PRKG1: variants seen among roughly 807,000 people sequenced by gnomAD.
The protein encoded by PRKG1 is cGMP-dependent protein kinase 1.
PRKG1 carries 35 observed loss-of-function variants against 88.1 expected under a neutral mutation model. The ratio of observed to expected loss-of-function variants is 0.40; its 90% CI spans 0.30 to 0.53. PRKG1 has a LOEUF of 0.53. Ranked by LOEUF, PRKG1 falls within the 20% of genes least tolerant of loss-of-function variation. The probability of loss-of-function intolerance (pLI) is 0.59; values close to 1 mark genes in which losing one functional copy is unlikely to be tolerated. For synonymous variants in PRKG1, 303 were observed against 292.5 expected, an observed-to-expected ratio of 1.04 and a Z score of -0.37; for missense variants, 540 against 839.8, an observed-to-expected ratio of 0.64 and a Z score of 4.41.
chr10:52,140,462 T>C (rs1837546836), intron 8 of PRKG1, among the ~76,000 whole-genome samples: 1 of 152,086 alleles, frequency 6.6e-6, no homozygotes, highest in Non-Finnish European at 1.5e-5. Flanking sequence ...TTTCGCATTG[T>C]ATCCCCATCC....
intron 3 of PRKG1, chr10:51,699,370 GCCATAGC>G: frequency 6.2e-7 from 1 of 1,614,142 alleles, no homozygotes; most frequent in East Asian, 2.2e-5. Context: ...ATTCGCAGAA[GCCATAGC>G]CCTTGGGTTT....
chr10:51,073,070 T>C (rs1843856739), upstream of PRKG1, among the ~76,000 whole-genome samples: 1 of 152,134 alleles, frequency 6.6e-6, no homozygotes, highest in Non-Finnish European at 1.5e-5. Context: ...TGCTATAAAA[T>C]TGGATGAGTT....
At chr10:51,525,636 T>C (rs760726199) in intron 3 of PRKG1, among the ~76,000 whole-genome samples, 2 of 152,100 alleles carry the variant, frequency 1.3e-5, no homozygotes, top group Non-Finnish European at 2.9e-5. Flanking sequence ...AGGCAGAGCT[T>C]GCAGTGATCT....
chr10:52,147,923 T>C (rs1167536185), intron 8 of PRKG1, among the ~76,000 whole-genome samples: 1 of 152,134 alleles, frequency 6.6e-6, no homozygotes, highest in African/African-American at 2.4e-5. Context: ...AGGTGAGACA[T>C]GCATATGACA....
chr10:51,293,054 C>T lies in PRKG1; in HGVS notation c.478+139724C>T, dbSNP rs140365045. Among the ~76,000 whole-genome samples, 405 of 152,144 alleles carry T rather than the reference C, an allele frequency of 2.7e-3. 7 individuals are homozygous for T. The highest frequency in any genetic ancestry group is 0.025 in the Admixed American group (385 of 15,254). On this transcript the variant is annotated intron_variant, in intron 2 of 17. Coordinates refer to ENST00000373980, the MANE Select transcript of PRKG1 (RefSeq NM_006258.4). ...GCTCTTACTTCTTTCTTCCCCCCAG[C>T]TTTATTGAGGTATGATTGAAAAACG...
At chr10:51,727,742 A>AGG (rs894639788) in intron 3 of PRKG1, among the ~76,000 whole-genome samples, 21 of 152,288 alleles carry the variant, frequency 1.4e-4, no homozygotes, top group African/African-American at 4.6e-4. Context: ...GAATTGGATG[A>AGG]GGGGTAAATG....
At chr10:51,957,138 T>G (rs1843327225) in intron 5 of PRKG1, among the ~76,000 whole-genome samples, 1 of 118,328 alleles carries the variant, frequency 8.5e-6, no homozygotes. Context: ...TCTTTCTTTC[T>G]CTTTCTTCTT....
At chr10:52,103,824 C>T (rs958726906) in intron 7 of PRKG1, among the ~76,000 whole-genome samples, 1 of 151,680 alleles carries the variant, frequency 6.6e-6, no homozygotes, top group Non-Finnish European at 1.5e-5. Flanking sequence ...TATGAAATAG[C>T]AGCAAAGGGG....
chr10:52,268,857 C>A (rs1841643569), intron 10 of PRKG1, among the ~76,000 whole-genome samples: 1 of 151,908 alleles, frequency 6.6e-6, no homozygotes, highest in South Asian at 2.1e-4. Context: ...AATGAATGCC[C>A]ATTTGGTGGT....
chr10:52,039,786 C>T (rs1220811454), intron 5 of PRKG1, among the ~76,000 whole-genome samples: 2 of 152,134 alleles, frequency 1.3e-5, no homozygotes, highest in Non-Finnish European at 2.9e-5. Context: ...GGAAAATACA[C>T]TAATTTCACT....
chr10:51,139,090 T>C (rs1214495420), intron 1 of PRKG1, among the ~76,000 whole-genome samples: 3 of 152,206 alleles, frequency 2.0e-5, no homozygotes, highest in Non-Finnish European at 2.9e-5. Flanking sequence ...TGTTTGTGTA[T>C]AGTTTTTTAA....
At chr10:51,978,053 G>A (rs1223662580) in intron 5 of PRKG1, among the ~76,000 whole-genome samples, 1 of 152,032 alleles carries the variant, frequency 6.6e-6, no homozygotes, top group Non-Finnish European at 1.5e-5. Context: ...CTGTTCCTAT[G>A]TCTAGAATGG....
intron 2 of PRKG1, among the ~76,000 whole-genome samples, chr10:51,193,248 GC>G (rs2132043318): frequency 6.6e-6 from 1 of 152,092 alleles, no homozygotes; most frequent in Non-Finnish European, 1.5e-5. Context: ...GCATAGAGTA[GC>G]TTTTATCAGT....
intron 2 of PRKG1, among the ~76,000 whole-genome samples, chr10:51,171,266 A>G (rs1477340874): frequency 1.3e-5 from 2 of 152,150 alleles, no homozygotes; most frequent in African/African-American, 4.8e-5. Flanking sequence ...CCTAGGGTAC[A>G]GTAATAATCG....
chr10:51,030,652 G>T (rs543347586), intron 1 of PRKG1, among the ~76,000 whole-genome samples: 2 of 152,254 alleles, frequency 1.3e-5, no homozygotes, highest in East Asian at 3.9e-4. Flanking sequence ...CATGGGAGGG[G>T]ATCCTTCATG....
At chr10:51,958,000 A>G (rs1172663671) in intron 5 of PRKG1, among the ~76,000 whole-genome samples, 2 of 152,208 alleles carry the variant, frequency 1.3e-5, no homozygotes, top group African/African-American at 4.8e-5. Context: ...TTCTCAAAGT[A>G]GAGTATCATT....
intron 4 of PRKG1, among the ~76,000 whole-genome samples, chr10:51,878,531 A>G (rs1246532944): frequency 6.6e-6 from 1 of 152,144 alleles, no homozygotes; most frequent in Non-Finnish European, 1.5e-5. Context: ...TTGGTGGATC[A>G]CTAAGAAAAA....
At chr10:51,009,643 A>G (rs1366370465) in intron 1 of PRKG1, among the ~76,000 whole-genome samples, 1 of 152,212 alleles carries the variant, frequency 6.6e-6, no homozygotes, top group Non-Finnish European at 1.5e-5. Context: ...TATACAATGG[A>G]CATTCCAGTT....
chr10:51,864,912 T>C (rs1840976044), intron 4 of PRKG1, among the ~76,000 whole-genome samples: 2 of 152,158 alleles, frequency 1.3e-5, no homozygotes, highest in Admixed American at 6.5e-5. Flanking sequence ...GTATGTCACC[T>C]CATTCTTTCT....
Sources: gnomAD v4.1 joint callset for allele counts (sites outside exome capture counted in the v4.1 genomes callset) on GRCh38, gnomAD v4.1.1 for gene constraint, MANE v1.5 for transcripts, NCBI Gene and HGNC (gene_info 2026-07-23, HGNC 2026-07-21) for gene names.